Variants in LGALS12 observed in about 807,000 individuals in gnomAD.
LGALS12 encodes galectin-12.
A neutral mutation model predicts 36.8 loss-of-function variants in LGALS12; 36 were observed. The ratio of observed to expected loss-of-function variants is 0.98; its 90% confidence interval spans 0.75 to 1.29. The LOEUF is 1.29. Ranked by LOEUF, LGALS12 falls within the 50% of genes most tolerant of loss-of-function variation. LGALS12 has a pLI of 0.00. For missense variants in LGALS12, 366 were observed against 394.3 expected (o/e 0.93, Z 0.61); for synonymous variants, 145 against 155.9 (o/e 0.93, Z 0.52).
chr11:63,506,665 G>C, intron 1 of LGALS12, 138 bp downstream of exon 1: 1 of 1,090,928 alleles, frequency 9.2e-7, no homozygotes, highest in Non-Finnish European at 1.3e-6. Context: ...GTTCTGGAAG[G>C]CCCTCCTGAG....
intron 4 of LGALS12, 144 bp downstream of exon 4, chr11:63,510,041 C>T: frequency 9.6e-7 from 1 of 1,046,436 alleles, no homozygotes; most frequent in Non-Finnish European, 1.4e-6. Flanking sequence ...GGAGGGAGTC[C>T]ACTGAGGTTT....
chr11:63,515,914 A>C (rs1019043987), intron 8 of LGALS12, among the ~76,000 whole-genome samples: 1 of 135,970 alleles, frequency 7.4e-6, no homozygotes, highest in South Asian at 2.3e-4. Context: ...CCAGAAACTC[A>C]ATTGATGCAG....
At chr11:63,514,454 C>T (rs2017019182) in intron 7 of LGALS12, among the ~76,000 whole-genome samples, 1 of 152,110 alleles carries the variant, frequency 6.6e-6, no homozygotes, top group African/African-American at 2.4e-5. Flanking sequence ...GCCTGTAGTC[C>T]CAGCTACTCC....
At chr11:63,513,774 C>T (rs2016995239) in intron 7 of LGALS12, among the ~76,000 whole-genome samples, 1 of 152,278 alleles carries the variant, frequency 6.6e-6, no homozygotes, top group South Asian at 2.1e-4. Flanking sequence ...CTTCCCTCCT[C>T]GTTATTGAGT....
intron 7 of LGALS12, among the ~76,000 whole-genome samples, chr11:63,514,188 C>A (rs915764332): frequency 2.6e-5 from 4 of 152,218 alleles, no homozygotes; most frequent in African/African-American, 9.6e-5. Flanking sequence ...GCCTTTTCCC[C>A]TACCTTACCT....
intron 1 of LGALS12, 177 bp from the exon 2 acceptor site, chr11:63,508,376 A>G: frequency 7.0e-7 from 1 of 1,438,558 alleles, no homozygotes; most frequent in Non-Finnish European, 9.1e-7. Context: ...CGGTCCAGGA[A>G]AGGGGATTAG....
Position 63,506,222 on chromosome 11 carries a change from G to C in LGALS12, c.-237G>C, listed in dbSNP as rs112831738. ...ACACTGAGTTCTGCTGACAGCCCCC[G>C]CCCAGCCAGAGCTCTGCTGTATACC... On this transcript the variant is annotated 5_prime_UTR_variant, in exon 1 of 9. Transcript: ENST00000394618. The C allele has an allele frequency of 2.5e-4, 167 of 668,124 alleles. No homozygotes were observed. The African/African-American group carries it at 2.9e-3, about 12-fold the overall frequency. The allele number at this position is 668,124 out of a possible 1,614,324, so 41.4% of individuals were successfully genotyped here. A position where few individuals can be genotyped will look rare whatever the true frequency, so the allele number is the denominator to read the frequency against.
At chr11:63,515,816 A>G (rs1417313888) in intron 8 of LGALS12, 103 bp downstream of exon 8, 1 of 1,285,118 alleles carries the variant, frequency 7.8e-7, no homozygotes, top group Admixed American at 2.1e-5. Flanking sequence ...GACAGATGTT[A>G]TGGGGTGGGA....
intron 7 of LGALS12, among the ~76,000 whole-genome samples, chr11:63,514,981 C>T (rs2017036480): frequency 6.6e-6 from 1 of 151,944 alleles, no homozygotes; most frequent in Non-Finnish European, 1.5e-5. Flanking sequence ...TCTAAATAAG[C>T]ATTTTTTTAT....
intron 2 of LGALS12, 63 bp from the exon 3 acceptor site, chr11:63,508,715 G>A: frequency 6.2e-7 from 1 of 1,613,618 alleles, no homozygotes; most frequent in Non-Finnish European, 8.5e-7. Context: ...GCTCCTCCCT[G>A]CCACTGAGAT....
Position 63,516,553 on chromosome 11 carries a change from G to T in LGALS12, c.*160G>T. ...GAGTCTACAGGAGCTTTGGGCCTGAGGGAAGGCACAAGAGTGCAAAGGTTC... is the reference window on the plus strand; with the variant it reads ...GAGTCTACAGGAGCTTTGGGCCTGATGGAAGGCACAAGAGTGCAAAGGTTC... On this transcript the variant is annotated 3_prime_UTR_variant, in exon 9 of 9. Coordinates refer to ENST00000394618, the MANE Select transcript of LGALS12 (RefSeq NM_033101.4). 1.2e-6 allele frequency: 1 copy of T among 822,946 alleles called. No individual in the cohort carries two copies. The highest frequency in any genetic ancestry group is 2.3e-5 in the Admixed American group (1 of 43,144). The allele number at this position is 822,946 out of a possible 1,614,324, so 51.0% of individuals were successfully genotyped here.
chr11:63,511,709 C>G, intron 6 of LGALS12, 43 bp from the exon 7 acceptor site: 1 of 1,450,956 alleles, frequency 6.9e-7, no homozygotes, highest in Non-Finnish European at 9.7e-7. Context: ...CCTCCCCAGT[C>G]CCCCTGGAAG....
rs1252164879 is a variant in LGALS12 at position 63,506,136 on chromosome 11, G to A, written c.-323G>A. On this transcript the variant is annotated 5_prime_UTR_variant, in exon 1 of 9. Transcript: ENST00000394618. The stretch of plus-strand genomic sequence containing the variant: ...CAGCCTCTGGCTTCTCTCTGCAATG[G>A]CCATGTGCTGCAGACCCGGAGTGGG... The A allele has an allele frequency of 1.3e-5, 6 of 467,246 alleles. No individual in the cohort carries two copies. Among genetic ancestry groups the A allele is most frequent in the Non-Finnish European group, 2.3e-5 (6 of 258,396 alleles). The allele number at this position is 467,246 out of a possible 1,614,324, so 28.9% of individuals were successfully genotyped here. A position where few individuals can be genotyped will look rare whatever the true frequency, so the allele number is the denominator to read the frequency against.
At chr11:63,515,053 C>T (rs1338590240) in intron 7 of LGALS12, among the ~76,000 whole-genome samples, 2 of 152,150 alleles carry the variant, frequency 1.3e-5, no homozygotes, top group East Asian at 3.9e-4. Context: ...GTTATCGTCA[C>T]ATTACAGATG....
At chr11:63,513,999 C>T (rs948669515) in intron 7 of LGALS12, among the ~76,000 whole-genome samples, 3 of 152,124 alleles carry the variant, frequency 2.0e-5, no homozygotes, top group African/African-American at 7.2e-5. Context: ...TCTGGCAGGA[C>T]GGGGTAGGGG....
At chr11:63,514,587 TA>T (rs955925272) in intron 7 of LGALS12, among the ~76,000 whole-genome samples, 1 of 151,880 alleles carries the variant, frequency 6.6e-6, no homozygotes, top group African/African-American at 2.4e-5. Context: ...TAAAATAAAA[TA>T]AAGAAAAATA....
intron 7 of LGALS12, among the ~76,000 whole-genome samples, chr11:63,512,657 C>T (rs1303240478): frequency 6.6e-6 from 1 of 151,814 alleles, no homozygotes; most frequent in Non-Finnish European, 1.5e-5. Context: ...GGCATGGTGG[C>T]GCATGCCTGT....
At chr11:63,511,971 G>A in intron 7 of LGALS12, 131 bp downstream of exon 7, 1 of 710,992 alleles carries the variant, frequency 1.4e-6, no homozygotes, top group Non-Finnish European at 2.5e-6. Flanking sequence ...GGAAACAGAG[G>A]AGCAGAAAGG....
rs773357143 is a variant in LGALS12, at chr11:63,506,407, T to C, written c.-52T>C. The C allele has an allele frequency of 1.9e-6, 3 of 1,614,156 alleles. No homozygotes were observed. Among genetic ancestry groups the C allele is most frequent in the East Asian group, 2.2e-5 (1 of 44,878 alleles). On this transcript the variant is annotated 5_prime_UTR_variant, in exon 1 of 9. Transcript: ENST00000394618. ...GACTGGGGCAGATGAGTCAGCCCAG[T>C]GGGGGCAGGGCTCCTGGAACGAGGA...
Sources: gnomAD v4.1 joint callset for allele counts (sites outside exome capture counted in the v4.1 genomes callset) on GRCh38, gnomAD v4.1.1 for gene constraint, MANE v1.5 for transcripts, NCBI Gene and HGNC (gene_info 2026-07-23, HGNC 2026-07-21) for gene names.